LIG1: variants seen among roughly 807,000 people sequenced by gnomAD.
The protein encoded by LIG1 is ligase I, DNA, ATP-dependent.
Under a neutral mutation model 115.7 loss-of-function variants are expected in LIG1, and 70 were observed. That is an observed-to-expected ratio of 0.60 (90% CI 0.50 to 0.74). The LOEUF is 0.74. Ranked by LOEUF, LIG1 falls within the 30% of genes least tolerant of loss-of-function variation. The pLI, the probability that LIG1 is intolerant of heterozygous loss-of-function variation, is 0.00. For synonymous variants in LIG1, 487 were observed against 495.3 expected (o/e 0.98, Z 0.22); for missense variants, 1,115 against 1,225.6 (o/e 0.91, Z 1.35).
Position 48,147,985 on chromosome 19 carries a change from G to T in LIG1, c.776+1778C>A, listed in dbSNP as rs372714621. Among the ~76,000 whole-genome samples the T allele has an allele frequency of 1.8e-4, 27 of 152,200 alleles. 1 individual carries two copies. Among genetic ancestry groups the T allele is most frequent in the African/African-American group, 5.1e-4 (21 of 41,440 alleles). On this transcript the variant is annotated intron_variant, in intron 9 of 27. Coordinates refer to ENST00000263274, the MANE Select transcript of LIG1 (RefSeq NM_000234.3). ...TGGGAAGGAGCTTATGTCTGGTTAG[G>T]GAGGCTCTTTACCATGTGACAAGAC...
chr19:48,120,825 T>C, intron 24 of LIG1: 1 of 637,352 alleles, frequency 1.6e-6, no homozygotes, highest in South Asian at 3.7e-5. Flanking sequence ...CAAAAAAAAA[T>C]GTGGGGAGAG....
chr19:48,120,204 C>A, intron 24 of LIG1: 1 of 985,458 alleles, frequency 1.0e-6, no homozygotes. Flanking sequence ...CCCCACACAG[C>A]CACGGGGAGC....
intron 26 of LIG1, 85 bp downstream of exon 26, chr19:48,117,553 G>A: frequency 7.0e-7 from 1 of 1,422,276 alleles, no homozygotes; most frequent in Non-Finnish European, 9.8e-7. Flanking sequence ...GAGCAGATGT[G>A]AGCCAAGGTC....
At chr19:48,155,036 T>C (rs1307067903) in intron 5 of LIG1, among the ~76,000 whole-genome samples, 5 of 152,060 alleles carry the variant, frequency 3.3e-5, no homozygotes, top group Non-Finnish European at 7.4e-5. Flanking sequence ...GCATGTGAGG[T>C]TTGGGACATA....
chr19:48,170,335 G>A lies in LIG1; in HGVS notation c.-152C>T, dbSNP rs1207942591. 2.3e-6 allele frequency: 1 copy of A among 440,082 alleles called. No homozygotes were observed. Among genetic ancestry groups the A allele is most frequent in the Non-Finnish European group, 4.6e-6 (1 of 219,100 alleles). The allele number at this position is 440,082 out of a possible 1,614,324, so 27.3% of individuals were successfully genotyped here. A position where few individuals can be genotyped will look rare whatever the true frequency, so the allele number is the denominator to read the frequency against. On this transcript the variant is annotated 5_prime_UTR_variant, in exon 1 of 28. Coordinates refer to ENST00000263274, the MANE Select transcript of LIG1 (RefSeq NM_000234.3). The stretch of plus-strand genomic sequence containing the variant: ...CAAGTTCGCGCCACGGCATTCGCGC[G>A]CAGACGTCTGCGGGCGGGGGCGGGG...
At chr19:48,121,108 T>C (rs1383465050) in intron 24 of LIG1, 62 bp downstream of exon 24, 2 of 1,613,034 alleles carry the variant, frequency 1.2e-6, no homozygotes, top group Non-Finnish European at 8.5e-7. Flanking sequence ...CAATAGGAAA[T>C]ACCCCCGGGA....
chr19:48,145,589 C>T (rs1406445981), intron 9 of LIG1, among the ~76,000 whole-genome samples: 1 of 152,144 alleles, frequency 6.6e-6, no homozygotes, highest in East Asian at 1.9e-4. Flanking sequence ...GATAGTGCCA[C>T]TGCAGGGCTG....
At position 48,162,248 on chromosome 19, in the gene LIG1, G is replaced by T; in HGVS notation, c.107+14C>A. 1 of 1,602,718 alleles carries T rather than the reference G, an allele frequency of 6.2e-7. No homozygotes were observed. The highest frequency in any genetic ancestry group is 8.5e-7 in the Non-Finnish European group (1 of 1,169,700). On this transcript the variant is annotated intron_variant, in intron 3 of 27. Transcript: ENST00000263274. ...AAAGGAAAAAATTCACCATATCCCAGCCCTGTGACATACTTTGGAGGGGGC... is the reference window on the plus strand; with the variant it reads ...AAAGGAAAAAATTCACCATATCCCATCCCTGTGACATACTTTGGAGGGGGC...
At chr19:48,146,445 C>T (rs2035116599) in intron 9 of LIG1, among the ~76,000 whole-genome samples, 1 of 152,174 alleles carries the variant, frequency 6.6e-6, no homozygotes, top group African/African-American at 2.4e-5. Flanking sequence ...AAACAGATAA[C>T]GACAAGAAAT....
At position 48,157,061 on chromosome 19, in the gene LIG1, G is replaced by C. The variant is rs2035895590; in HGVS notation, c.323C>G (p.Thr108Ser). 6.2e-7 allele frequency: 1 copy of C among 1,613,660 alleles called. No homozygotes were observed. The highest frequency in any genetic ancestry group is 8.5e-7 in the Non-Finnish European group (1 of 1,179,728). Residue 108 changes from threonine to serine, a missense_variant, in exon 5 of 28, where the codon ACC (threonine) becomes AGC (serine). By Grantham distance (58) the Thr-to-Ser change is moderately conservative (BLOSUM62 1). Coordinates refer to ENST00000263274, the MANE Select transcript of LIG1 (RefSeq NM_000234.3). ...TGATGGGGAACTGTCCATGGGAGAG[G>C]TGTCAGAGAGGGAAGCATTGTTCTC... ...SPENNASLSDTSPMDSSPSGI... is the reference protein window; with the variant it reads ...SPENNASLSDSSPMDSSPSGI...
chr19:48,143,519 A>T, intron 11 of LIG1, 24 bp downstream of exon 11: 3 of 564,842 alleles, frequency 5.3e-6, no homozygotes, highest in Non-Finnish European at 9.9e-6. Context: ...CCCGCCCCCC[A>T]CCCAGGCAGT....
chr19:48,148,888 C>A (rs3730919), intron 9 of LIG1, among the ~76,000 whole-genome samples: 46,101 of 152,106 alleles, frequency 0.3, 9,602 homozygotes, highest in African/African-American at 0.6. Flanking sequence ...ATCACGAGGG[C>A]TGGGGCAGGG....
intron 21 of LIG1, among the ~76,000 whole-genome samples, chr19:48,125,711 G>A (rs550356427): frequency 2.6e-5 from 4 of 152,096 alleles, no homozygotes; most frequent in South Asian, 4.1e-4. Flanking sequence ...GGGATGGGCC[G>A]GGCGTGGTGG....
chr19:48,120,423 T>TA (rs2033181030), intron 24 of LIG1: 2 of 985,310 alleles, frequency 2.0e-6, no homozygotes, highest in African/African-American at 3.5e-5. Context: ...CAAATGTCAC[T>TA]ACTGCGTGTC....
At chr19:48,149,919 C>G in intron 8 of LIG1, 78 bp from the exon 9 acceptor site, 1 of 1,545,916 alleles carries the variant, frequency 6.5e-7, no homozygotes, top group Non-Finnish European at 8.9e-7. Flanking sequence ...GCACCCAGCA[C>G]CACCCCAGTG....
chr19:48,137,739 G>T lies in LIG1; in HGVS notation c.1088-51C>A, dbSNP rs367976029. The T allele has an allele frequency of 6.3e-7, 1 of 1,592,698 alleles. No individual in the cohort carries two copies. Among genetic ancestry groups the T allele is most frequent in the South Asian group, 1.1e-5 (1 of 90,592 alleles). On this transcript the variant is annotated intron_variant, in intron 12 of 27. Transcript: ENST00000263274. The surrounding 1 kb of genome is among the most constrained non-coding windows in gnomAD (Gnocchi z 4.3). Reference sequence around the variant, plus strand: ...TGTCGAGGGTGACAGTTGTGGCTGCGTGTCTCCCTTCTCTCGCGGCCTGGA... The same window carrying T: ...TGTCGAGGGTGACAGTTGTGGCTGCTTGTCTCCCTTCTCTCGCGGCCTGGA...
chr19:48,161,247 GA>G (rs1393301914), intron 4 of LIG1, 124 bp downstream of exon 4: 1 of 1,410,338 alleles, frequency 7.1e-7, no homozygotes. Context: ...ACACAACCAG[GA>G]AACACATCTA....
In LIG1 at chr19:48,128,018, A is replaced by G; in HGVS notation, c.1824T>C (p.Ile608=). 1 of 1,613,566 alleles carries G rather than the reference A, an allele frequency of 6.2e-7. No homozygotes were observed. The highest frequency in any genetic ancestry group is 1.1e-5 in the South Asian group (1 of 91,068). The part of the protein sequence containing the change: ...YPDIISRIPK[I]KLPSVTSFIL... Reference sequence around the variant, plus strand: ...TGAAGGATGTGACCGATGGGAGTTTAATCTGAAAAGTGAAGGGAGAGACCC... The same window carrying G: ...TGAAGGATGTGACCGATGGGAGTTTGATCTGAAAAGTGAAGGGAGAGACCC... The change falls in exon 20 of 28, where the codon ATT becomes ATC. Residue 608 remains isoleucine, a splice_region_variant and synonymous_variant. Transcript: ENST00000263274.
chr19:48,159,226 T>C (rs2036031789), intron 4 of LIG1, among the ~76,000 whole-genome samples: 1 of 152,146 alleles, frequency 6.6e-6, no homozygotes, highest in African/African-American at 2.4e-5. Flanking sequence ...TACAGGCCCG[T>C]GCCACCATGC....
Sources: gnomAD v4.1 joint callset for allele counts (sites outside exome capture counted in the v4.1 genomes callset) on GRCh38, gnomAD v4.1.1 for gene constraint, Gnocchi (gnomAD v3.1) non-coding constraint, MANE v1.5 for transcripts, NCBI Gene and HGNC (gene_info 2026-07-23, HGNC 2026-07-21) for gene names.